The following DCDC1 variants were observed in gnomAD, a reference collection of about 807,000 sequenced individuals.
The protein encoded by DCDC1 is doublecortin domain containing 1, also known as doublecortin domain-containing protein 1.
Under a neutral mutation model 178.3 loss-of-function variants are expected in DCDC1, and 200 were observed. The ratio of observed to expected loss-of-function variants is 1.12; its 90% CI spans 1.00 to 1.26. DCDC1 has a LOEUF of 1.26. Ranked by LOEUF, DCDC1 falls within the 50% of genes most tolerant of loss-of-function variation. DCDC1 has a pLI of 0.00. For synonymous variants in DCDC1, 690 were observed against 604.8 expected (o/e 1.14, Z -2.07); for missense variants, 1,983 against 1,749.2 (o/e 1.13, Z -2.38).
In DCDC1 at chr11:30,863,819, A is replaced by G. The variant is rs902396951; in HGVS notation, c.*1554T>C. 6.6e-6 allele frequency: 1 copy of G among 152,208 alleles called. No individual in the cohort carries two copies. Among genetic ancestry groups the G allele is most frequent in the African/African-American group, 2.4e-5 (1 of 41,472 alleles). The allele number at this position is 152,208 out of a possible 1,614,324, so 9.4% of individuals were successfully genotyped here. On this transcript the variant is annotated 3_prime_UTR_variant, in exon 39 of 39. Coordinates refer to ENST00000684477, the MANE Select transcript of DCDC1 (RefSeq NM_001387274.1). ...TTGGAAAGTTCTGTGACAAACATCC[A>G]CAGTTCTGTGCACAAACATTTTTTG...
In DCDC1 at chr11:30,901,080, C is replaced by T. The variant is rs116326218; in HGVS notation, c.4511-582G>A. Among the ~76,000 whole-genome samples the T allele has an allele frequency of 2.8e-3, 425 of 151,962 alleles. 4 individuals are homozygous for T. Among genetic ancestry groups the T allele is most frequent in the African/African-American group, 1.0e-2 (413 of 41,444 alleles). On this transcript the variant is annotated intron_variant, in intron 32 of 38. Transcript: ENST00000684477. ...ATTTGGGCTCTGAGCTTCCTAATGGCGAAAGCAAAGAGAAAAACACAATTT... is the reference window on the plus strand; with the variant it reads ...ATTTGGGCTCTGAGCTTCCTAATGGTGAAAGCAAAGAGAAAAACACAATTT...
intron 9 of DCDC1, among the ~76,000 whole-genome samples, chr11:31,213,354 T>A (rs1973070903): frequency 2.6e-5 from 4 of 151,868 alleles, no homozygotes; most frequent in Non-Finnish European, 5.9e-5. Context: ...GGCTCCTGAG[T>A]CTATTTATCA....
chr11:31,341,812 TAC>T (rs34730979), intron 1 of DCDC1, among the ~76,000 whole-genome samples: 210 of 144,432 alleles, frequency 1.5e-3, no homozygotes, highest in South Asian at 0.011. Context: ...TGCATGACTA[TAC>T]ACACACACAC....
chr11:31,041,306 A>C lies in DCDC1; in HGVS notation c.2591+23163T>G, dbSNP rs575030647. On this transcript the variant is annotated intron_variant, in intron 20 of 38. Transcript: ENST00000684477. ...CTAAGTCCAGGAAGGAAATAAAAGA[A>C]AGTGATGGGGTTTGGCTGGGGACCA... Among the ~76,000 whole-genome samples the C allele has an allele frequency of 5.6e-4, 86 of 152,308 alleles. 1 individual carries two copies. The highest frequency in any genetic ancestry group is 2.0e-3 in the African/African-American group (85 of 41,588).
At chr11:31,090,615 C>A (rs1019344928) in intron 17 of DCDC1, among the ~76,000 whole-genome samples, 11 of 152,116 alleles carry the variant, frequency 7.2e-5, no homozygotes, top group Non-Finnish European at 1.5e-4. Context: ...GTCTGTAGAT[C>A]ACATTCTTAA....
chr11:31,261,720 T>A (rs1944799062), intron 8 of DCDC1, among the ~76,000 whole-genome samples: 1 of 152,102 alleles, frequency 6.6e-6, no homozygotes, highest in Non-Finnish European at 1.5e-5. Flanking sequence ...CCCCCACGGA[T>A]ACCAAGGAAT....
intron 9 of DCDC1, among the ~76,000 whole-genome samples, chr11:31,197,540 T>G (rs1970828584): frequency 6.6e-6 from 1 of 152,076 alleles, no homozygotes; most frequent in Non-Finnish European, 1.5e-5. Context: ...AGACATTAAG[T>G]GAATTACCTG....
chr11:31,007,010 T>C (rs547926874), intron 20 of DCDC1, among the ~76,000 whole-genome samples: 4 of 152,362 alleles, frequency 2.6e-5, no homozygotes, highest in Non-Finnish European at 5.9e-5. Flanking sequence ...CTGTTCATTA[T>C]TCTTCATTCT....
At chr11:31,288,904 A>C (rs1367797658) in intron 7 of DCDC1, among the ~76,000 whole-genome samples, 1 of 151,896 alleles carries the variant, frequency 6.6e-6, no homozygotes, top group African/African-American at 2.4e-5. Flanking sequence ...CAAGATCAGC[A>C]TTTTGTTGCC....
intron 20 of DCDC1, among the ~76,000 whole-genome samples, chr11:31,030,282 A>T (rs937321758): frequency 1.3e-5 from 2 of 152,154 alleles, no homozygotes; most frequent in African/African-American, 4.8e-5. Flanking sequence ...CACCATTAGG[A>T]TGATGACATT....
At chr11:31,293,166 C>T (rs1393440316) in intron 6 of DCDC1, among the ~76,000 whole-genome samples, 3 of 152,066 alleles carry the variant, frequency 2.0e-5, no homozygotes, top group African/African-American at 4.8e-5. Context: ...CCCTCACCTC[C>T]CTGAAGTTCT....
At chr11:31,020,217 C>G (rs79918998) in intron 20 of DCDC1, among the ~76,000 whole-genome samples, 2,250 of 152,160 alleles carry the variant, frequency 0.015, 59 homozygotes, top group African/African-American at 0.051. Context: ...TTTATCTGTA[C>G]CATCAATAAA....
intron 17 of DCDC1, among the ~76,000 whole-genome samples, chr11:31,081,688 A>G (rs1957186247): frequency 6.6e-6 from 1 of 152,214 alleles, no homozygotes; most frequent in Non-Finnish European, 1.5e-5. Flanking sequence ...AATTTTATCA[A>G]GCTTCAATTC....
chr11:31,277,188 T>C (rs1028469066), intron 7 of DCDC1, among the ~76,000 whole-genome samples: 7 of 152,110 alleles, frequency 4.6e-5, no homozygotes, highest in East Asian at 1.9e-4. Context: ...CACTAGAGAA[T>C]AGTTCGTCTG....
intron 10 of DCDC1, among the ~76,000 whole-genome samples, chr11:31,130,006 A>G (rs1962218440): frequency 1.3e-5 from 2 of 152,154 alleles, no homozygotes; most frequent in Non-Finnish European, 2.9e-5. Context: ...ATCATAAGTT[A>G]GATAATGTTT....
At chr11:31,022,368 T>C (rs1485856833) in intron 20 of DCDC1, among the ~76,000 whole-genome samples, 1 of 152,126 alleles carries the variant, frequency 6.6e-6, no homozygotes, top group African/African-American at 2.4e-5. Context: ...CTGTCTGTTT[T>C]CCTCTTCTTC....
rs182621694 is a variant in DCDC1 at position 31,031,921 on chromosome 11, C to T, written c.2591+32548G>A. Among the ~76,000 whole-genome samples the T allele has an allele frequency of 5.3e-5, 8 of 151,808 alleles. No homozygotes were observed. In the East Asian group the frequency reaches 7.7e-4, roughly 15 times the overall value. On this transcript the variant is annotated intron_variant, in intron 20 of 38. Coordinates refer to ENST00000684477, the MANE Select transcript of DCDC1 (RefSeq NM_001387274.1). ...ATGTGATCTTATGCTACAAATGTACCGAGACATTTTAATATGTTTGATATT... is the reference window on the plus strand; with the variant it reads ...ATGTGATCTTATGCTACAAATGTACTGAGACATTTTAATATGTTTGATATT...
intron 9 of DCDC1, among the ~76,000 whole-genome samples, chr11:31,192,046 G>A (rs535361787): frequency 6.6e-6 from 1 of 151,990 alleles, no homozygotes; most frequent in South Asian, 2.1e-4. Context: ...CAGAAACCAG[G>A]GAGCCATGCC....
intron 20 of DCDC1, among the ~76,000 whole-genome samples, chr11:31,019,483 G>A (rs1952722558): frequency 6.6e-6 from 1 of 152,286 alleles, no homozygotes; most frequent in East Asian, 1.9e-4. Flanking sequence ...GGTTAATGTG[G>A]GGGTGGGGTG....
Sources: allele counts gnomAD v4.1 joint callset (sites outside exome capture counted in the v4.1 genomes callset), GRCh38; gene constraint gnomAD v4.1.1; transcripts MANE v1.5; gene names NCBI Gene and HGNC (gene_info 2026-07-23, HGNC 2026-07-21).